Variants in SLC60A1 observed in about 807,000 individuals in gnomAD.
SLC60A1 encodes major facilitator superfamily domain containing 4.
the SLC60A1 span, among the ~76,000 whole-genome samples, chr1:205,577,858 G>A: frequency 6.6e-6 from 1 of 152,226 alleles, no homozygotes; most frequent in East Asian, 1.9e-4. The surrounding 1 kb of genome is among the most constrained non-coding windows in gnomAD (Gnocchi z 5.2). Flanking sequence ...TTCTCAGCCC[G>A]AGTTTACTCA....
the SLC60A1 span, among the ~76,000 whole-genome samples, chr1:205,579,271 G>A: frequency 1.3e-5 from 2 of 152,126 alleles, no homozygotes; most frequent in South Asian, 2.1e-4. Flanking sequence ...ATTCCTGTGT[G>A]GGGAGGACAC....
the SLC60A1 span, among the ~76,000 whole-genome samples, chr1:205,597,373 G>GTT: frequency 5.1e-3 from 189 of 37,204 alleles, 10 homozygotes; most frequent in African/African-American, 7.3e-3. Context: ...AACCTAGGTT[G>GTT]TTTTTTTTTT....
the SLC60A1 span, among the ~76,000 whole-genome samples, chr1:205,569,550 ATTTATTTGTCATCACTCATCCCTGTG>A: frequency 7.3e-6 from 1 of 136,976 alleles, no homozygotes. Context: ...CTTCTGGCTT[ATTTATTTGTCATCACTCATCCCTGTG>A]AGAGGATAAA....
chr1:205,573,851 C>G, the SLC60A1 span, among the ~76,000 whole-genome samples: 78 of 152,136 alleles, frequency 5.1e-4, no homozygotes, highest in African/African-American at 1.9e-3. Context: ...GCATGCGCTG[C>G]CACACCCAGC....
At chr1:205,583,789 C>G in the SLC60A1 span, among the ~76,000 whole-genome samples, 1 of 152,230 alleles carries the variant, frequency 6.6e-6, no homozygotes, top group South Asian at 2.1e-4. Flanking sequence ...CTACCTTGGT[C>G]AAGGCACCTG....
chr1:205,576,422 T>C, the SLC60A1 span, among the ~76,000 whole-genome samples: 1 of 152,152 alleles, frequency 6.6e-6, no homozygotes. Flanking sequence ...CCCAACCTCA[T>C]GCAGAGCTTG....
the SLC60A1 span, among the ~76,000 whole-genome samples, chr1:205,581,655 TG>T: frequency 6.8e-6 from 1 of 148,044 alleles, no homozygotes; most frequent in Admixed American, 6.7e-5. This position sits in a 1 kb window ranked among gnomAD's most constrained non-coding sequence, Gnocchi z 4.2. Flanking sequence ...GGGCCGGGGG[TG>T]GGGAGCATTA....
chr1:205,575,818 A>G, the SLC60A1 span, among the ~76,000 whole-genome samples: 14 of 152,266 alleles, frequency 9.2e-5, no homozygotes, highest in Admixed American at 1.3e-4. Context: ...TGTCCAGGCT[A>G]TATCTTGGGT....
chr1:205,600,846 T>C, the SLC60A1 span: 1 of 177,154 alleles, frequency 5.6e-6, no homozygotes, highest in Non-Finnish European at 1.2e-5. Flanking sequence ...CCATGATCAT[T>C]GCTATATGTA....
the SLC60A1 span, among the ~76,000 whole-genome samples, chr1:205,571,606 C>T: frequency 6.6e-6 from 1 of 152,132 alleles, no homozygotes; most frequent in Non-Finnish European, 1.5e-5. Flanking sequence ...AGCAGATATA[C>T]AGTGGAAACA....
At chr1:205,576,550 C>T in the SLC60A1 span, among the ~76,000 whole-genome samples, 1 of 152,174 alleles carries the variant, frequency 6.6e-6, no homozygotes, top group African/African-American at 2.4e-5. Flanking sequence ...TATTCTGATT[C>T]CAGATCGCAC....
the SLC60A1 span, among the ~76,000 whole-genome samples, chr1:205,582,368 G>T: frequency 6.6e-6 from 1 of 152,214 alleles, no homozygotes; most frequent in East Asian, 1.9e-4. Flanking sequence ...AGTCCAGCAC[G>T]GAGGAAGATG....
the SLC60A1 span, chr1:205,579,600 C>G: frequency 1.2e-6 from 1 of 851,036 alleles, no homozygotes; most frequent in Non-Finnish European, 1.9e-6. Context: ...TTGCCCACAG[C>G]TAATAAGTGA....
the SLC60A1 span, chr1:205,598,856 A>C: frequency 2.8e-5 from 13 of 468,538 alleles, no homozygotes; most frequent in Non-Finnish European, 4.2e-5. Context: ...CAGTGATGAT[A>C]GAGATCGTCA....
chr1:205,597,487 C>T, the SLC60A1 span: 3 of 232,386 alleles, frequency 1.3e-5, no homozygotes, highest in East Asian at 1.1e-4. Context: ...TTCATGGGCT[C>T]GAGGGACCCT....
the SLC60A1 span, among the ~76,000 whole-genome samples, chr1:205,573,085 AGAC>A: frequency 6.6e-6 from 1 of 151,938 alleles, no homozygotes; most frequent in East Asian, 1.9e-4. Context: ...CAGCACAGTG[AGAC>A]TCCAGTGTCA....
chr1:205,602,772 T>C, the SLC60A1 span: 7 of 152,164 alleles, frequency 4.6e-5, no homozygotes, highest in Non-Finnish European at 1.0e-4. Flanking sequence ...TTTCTTGTGG[T>C]TTTTCAAGAA....
At chr1:205,596,523 C>T in the SLC60A1 span, among the ~76,000 whole-genome samples, 8 of 114,932 alleles carry the variant, frequency 7.0e-5, no homozygotes, top group Admixed American at 2.6e-4. Context: ...CCAGCCTGGG[C>T]GACAGAGCAA....
At chr1:205,579,909 T>C in the SLC60A1 span, 3 of 1,614,116 alleles carry the variant, frequency 1.9e-6, no homozygotes, top group Non-Finnish European at 1.7e-6. Context: ...AACATGCAGC[T>C]GGTAAGGATG....
Sources: gnomAD v4.1 joint callset for allele counts (sites outside exome capture counted in the v4.1 genomes callset) on GRCh38, gnomAD v4.1.1 for gene constraint, Gnocchi (gnomAD v3.1) non-coding constraint, MANE v1.5 for transcripts, NCBI Gene and HGNC (gene_info 2026-07-23, HGNC 2026-07-21) for gene names.